The following PRKCA variants were observed in gnomAD, a reference collection of about 807,000 sequenced individuals.
The protein encoded by PRKCA is protein kinase C alpha, also known as protein kinase C alpha type.
PRKCA carries 27 observed loss-of-function variants against 87.0 expected under a neutral mutation model. The observed-to-expected ratio is 0.31, with a 90% CI of 0.23 to 0.43. The LOEUF is 0.43. Ranked by LOEUF, PRKCA falls within the 20% of genes least tolerant of loss-of-function variation. The pLI, the probability that PRKCA is intolerant of heterozygous loss-of-function variation, is 1.00. For synonymous variants in PRKCA, 329 were observed against 311.1 expected (o/e 1.06, Z -0.61); for missense variants, 518 against 852.3 (o/e 0.61, Z 4.88).
intron 3 of PRKCA, among the ~76,000 whole-genome samples, chr17:66,561,545 C>T (rs1274996999): frequency 6.6e-6 from 1 of 152,118 alleles, no homozygotes; most frequent in Admixed American, 6.5e-5. Flanking sequence ...GTGTATGATC[C>T]AGCAATTACA....
At chr17:66,506,156 C>A (rs539198224) in intron 3 of PRKCA, among the ~76,000 whole-genome samples, 2 of 152,172 alleles carry the variant, frequency 1.3e-5, no homozygotes, top group East Asian at 3.9e-4. Flanking sequence ...TTTAGCCAGG[C>A]ATGGTGGTGT....
At chr17:66,331,280 CT>C (rs1457817885) in intron 2 of PRKCA, among the ~76,000 whole-genome samples, 3 of 152,144 alleles carry the variant, frequency 2.0e-5, no homozygotes, top group African/African-American at 7.2e-5. Context: ...CTGTTTTTCT[CT>C]TCTGTGTTTA....
At chr17:66,562,121 A>AATATATATAATTAAATT (rs539292624) in intron 3 of PRKCA, among the ~76,000 whole-genome samples, 2 of 38,428 alleles carry the variant, frequency 5.2e-5, no homozygotes, top group East Asian at 7.9e-4. Flanking sequence ...TATATAATTA[A>AATATATATAATTAAATT]ATATATATAA....
chr17:66,335,804 C>T (rs1197820522), intron 2 of PRKCA, among the ~76,000 whole-genome samples: 1 of 152,110 alleles, frequency 6.6e-6, no homozygotes, highest in South Asian at 2.1e-4. Flanking sequence ...TGAATAACCT[C>T]GTTTATCAGG....
At chr17:66,729,226 A>AC (rs1973827010) in intron 8 of PRKCA, among the ~76,000 whole-genome samples, 1 of 151,994 alleles carries the variant, frequency 6.6e-6, no homozygotes. Context: ...ACACAGCGAA[A>AC]CCCCATATCT....
At chr17:66,730,561 T>C (rs1350615445) in intron 8 of PRKCA, among the ~76,000 whole-genome samples, 1 of 152,242 alleles carries the variant, frequency 6.6e-6, no homozygotes, top group Admixed American at 6.5e-5. Flanking sequence ...AACTTCCACA[T>C]ATTGCCATGA....
At chr17:66,759,440 GA>G (rs1443975789) in intron 13 of PRKCA, among the ~76,000 whole-genome samples, 1 of 150,476 alleles carries the variant, frequency 6.6e-6, no homozygotes, top group Non-Finnish European at 1.5e-5. Context: ...AGGAAAAAAG[GA>G]AGTCACTGAT....
intron 3 of PRKCA, among the ~76,000 whole-genome samples, chr17:66,616,493 C>T (rs1209366221): frequency 2.0e-5 from 3 of 152,152 alleles, no homozygotes; most frequent in Non-Finnish European, 4.4e-5. Context: ...AGATGTCTGT[C>T]GAGTATCTGC....
chr17:66,765,418 C>CTATATATA (rs58356468), intron 13 of PRKCA, among the ~76,000 whole-genome samples: 4,879 of 48,212 alleles, frequency 0.1, 323 homozygotes, highest in Non-Finnish European at 0.12. Flanking sequence ...AAGACTTTGT[C>CTATATATA]TATATATATA....
Position 66,687,130 on chromosome 17 carries a change from A to G in PRKCA, c.549A>G (p.Leu183=), listed in dbSNP as rs1385643729. Residue 183 remains leucine, a synonymous_variant, in exon 6 of 17, where the codon CTA becomes CTG. Coordinates refer to ENST00000413366, the MANE Select transcript of PRKCA (RefSeq NM_002737.3). ...TCACAGTACGAGATGCAAAAAATCT[A>G]ATCCCTATGGATCCAAACGGGCTTT... ...LHVTVRDAKN[L]IPMDPNGLSD... is the part of the protein sequence containing the mutation. 3 of 1,612,390 alleles carry G rather than the reference A, an allele frequency of 1.9e-6. No homozygotes were observed. The highest frequency in any genetic ancestry group is 2.5e-6 in the Non-Finnish European group (3 of 1,178,738).
chr17:66,547,584 G>A (rs1276132182), intron 3 of PRKCA, among the ~76,000 whole-genome samples: 1 of 152,092 alleles, frequency 6.6e-6, no homozygotes, highest in African/African-American at 2.4e-5. Flanking sequence ...TCCCTTGGTA[G>A]GTGTTGTGAT....
intron 16 of PRKCA, among the ~76,000 whole-genome samples, chr17:66,797,216 G>A (rs1568039848): frequency 6.6e-6 from 1 of 152,192 alleles, no homozygotes; most frequent in Non-Finnish European, 1.5e-5. Context: ...ATCACAGAAT[G>A]AAAGGGGCTG....
chr17:66,530,692 C>A (rs1470886670), intron 3 of PRKCA, among the ~76,000 whole-genome samples: 1 of 152,164 alleles, frequency 6.6e-6, no homozygotes. Flanking sequence ...GGGTGGCTCA[C>A]TGACCTACTT....
At chr17:66,751,994 C>G (rs1417282410) in intron 13 of PRKCA, among the ~76,000 whole-genome samples, 1 of 152,220 alleles carries the variant, frequency 6.6e-6, no homozygotes, top group African/African-American at 2.4e-5. Context: ...AGTCACCTCC[C>G]ACCAGGCCCC....
At chr17:66,709,854 A>G (rs2144121665) in intron 8 of PRKCA, among the ~76,000 whole-genome samples, 1 of 152,232 alleles carries the variant, frequency 6.6e-6, no homozygotes, top group South Asian at 2.1e-4. Context: ...CTGAATCATC[A>G]AGAAAAAACA....
chr17:66,775,919 G>A (rs1256714947), intron 14 of PRKCA, among the ~76,000 whole-genome samples: 1 of 152,210 alleles, frequency 6.6e-6, no homozygotes, highest in Non-Finnish European at 1.5e-5. Context: ...AGGAAGAAAA[G>A]TAATAAAGCA....
At chr17:66,449,595 G>A (rs1049766545) in intron 2 of PRKCA, among the ~76,000 whole-genome samples, 1 of 152,158 alleles carries the variant, frequency 6.6e-6, no homozygotes, top group Non-Finnish European at 1.5e-5. Flanking sequence ...CCTTACATGT[G>A]AGTCAAGTAC....
chr17:66,331,742 C>T lies in PRKCA; in HGVS notation c.205+25615C>T, dbSNP rs535852977. Among the ~76,000 whole-genome samples, 13 of 152,222 alleles carry T rather than the reference C, an allele frequency of 8.5e-5. No individual in the cohort carries two copies. In the East Asian group the frequency reaches 9.7e-4, roughly 11 times the overall value. On this transcript the variant is annotated intron_variant, in intron 2 of 16. Coordinates refer to ENST00000413366, the MANE Select transcript of PRKCA (RefSeq NM_002737.3). ...GTGGGGACAGGGGAAGTGGAGCGAC[C>T]GAGAGAAGGGTTGGAACATACAGAC...
At chr17:66,482,189 G>A (rs1915818884) in intron 2 of PRKCA, among the ~76,000 whole-genome samples, 1 of 152,048 alleles carries the variant, frequency 6.6e-6, no homozygotes, top group African/African-American at 2.4e-5. Flanking sequence ...GATACATGTG[G>A]GTCTTGCAAG....
Sources: gnomAD v4.1 joint callset for allele counts (sites outside exome capture counted in the v4.1 genomes callset) on GRCh38, gnomAD v4.1.1 for gene constraint, MANE v1.5 for transcripts, NCBI Gene and HGNC (gene_info 2026-07-23, HGNC 2026-07-21) for gene names.